Variants in MPRIP observed in about 807,000 individuals in gnomAD.
MPRIP encodes myosin phosphatase Rho interacting protein.
MPRIP carries 59 observed loss-of-function variants against 234.9 expected under a neutral mutation model. The observed-to-expected ratio is 0.25, with a 90% CI of 0.20 to 0.31. The LOEUF (loss-of-function observed/expected upper bound fraction) is 0.31. Ranked by LOEUF, MPRIP falls within the 10% of genes least tolerant of loss-of-function variation. MPRIP has a pLI of 1.00. For synonymous variants in MPRIP, 1,144 were observed against 1,263.9 expected (o/e 0.91, Z 2.01); for missense variants, 2,436 against 3,071.0 (o/e 0.79, Z 4.89).
At chr17:17,045,710 G>A (rs74668572) in intron 1 of MPRIP, among the ~76,000 whole-genome samples, 6,906 of 152,102 alleles carry the variant, frequency 0.045, 480 homozygotes, top group African/African-American at 0.14. Context: ...ATAAGTGACC[G>A]TCCTTTATTA....
At chr17:17,067,786 CTT>C (rs1391997815) in intron 1 of MPRIP, among the ~76,000 whole-genome samples, 30 of 71,080 alleles carry the variant, frequency 4.2e-4, no homozygotes, top group East Asian at 1.8e-3. Context: ...TCTTCTTCTT[CTT>C]CCTTTTTTTT....
intron 20 of MPRIP, among the ~76,000 whole-genome samples, chr17:17,175,845 C>T (rs78277344): frequency 6.6e-6 from 1 of 152,222 alleles, no homozygotes; most frequent in African/African-American, 2.4e-5. Flanking sequence ...AAATTTCACC[C>T]TAAAATGTGC....
At chr17:17,110,245 C>T (rs1056674611) in intron 3 of MPRIP, among the ~76,000 whole-genome samples, 1 of 152,152 alleles carries the variant, frequency 6.6e-6, no homozygotes, top group Non-Finnish European at 1.5e-5. Flanking sequence ...CAGCACAAGG[C>T]CCTCCCCAGA....
In MPRIP at chr17:17,158,975, C is replaced by A; in HGVS notation, c.2373C>A (p.His791Gln). 1 of 1,612,622 alleles carries A rather than the reference C, an allele frequency of 6.2e-7. No individual in the cohort carries two copies. The highest frequency in any genetic ancestry group is 8.5e-7 in the Non-Finnish European group (1 of 1,179,768). ...ATGGGGGTGACCGGCTCTCCACACA[C>A]GAGCTGACCTCTCTGCTCGAGAAGG... The part of the protein sequence containing the change: ...SEDGGDRLST[H>Q]ELTSLLEKEL... Residue 791 changes from histidine to glutamine, a missense_variant, in exon 14 of 24, where the codon CAC becomes CAA. His to Gln is a conservative substitution (Grantham distance 24). Transcript: ENST00000651222.
Position 17,185,678 on chromosome 17 carries a change from A to G in MPRIP, c.*784A>G. The G allele has an allele frequency of 2.6e-6, 1 of 383,484 alleles. No individual in the cohort carries two copies. The highest frequency in any genetic ancestry group is 1.9e-5 in the South Asian group (1 of 52,918). The allele number at this position is 383,484 out of a possible 1,614,324, so 23.8% of individuals were successfully genotyped here. ...ATTGTTGACCTGCAGCCCAGGTTTC[A>G]GACTCTGATTGCAAAAAACAAATGA... On this transcript the variant is annotated 3_prime_UTR_variant, in exon 24 of 24. Coordinates refer to ENST00000651222, the MANE Select transcript of MPRIP (RefSeq NM_001364716.4).
intron 1 of MPRIP, among the ~76,000 whole-genome samples, chr17:17,063,393 G>T (rs1282796405): frequency 6.6e-6 from 1 of 152,208 alleles, no homozygotes; most frequent in African/African-American, 2.4e-5. Context: ...ATTTGGCCTG[G>T]AGCCGGTTAG....
At chr17:17,089,988 G>A (rs2089677682) in intron 3 of MPRIP, among the ~76,000 whole-genome samples, 1 of 150,136 alleles carries the variant, frequency 6.7e-6, no homozygotes, top group Non-Finnish European at 1.5e-5. Context: ...TGTGTAGAGC[G>A]CAGCAGACAC....
rs1031795352 is a variant in MPRIP, at chr17:17,188,744, T to C, written c.*3850T>C. On this transcript the variant is annotated 3_prime_UTR_variant, in exon 24 of 24. Coordinates refer to ENST00000651222, the MANE Select transcript of MPRIP (RefSeq NM_001364716.4). ...CCTGATCATCACTCCTGCCTGGCTG[T>C]CTCCTGGGAGGCTGCCGGGTGCCAC... 6.6e-6 allele frequency: 1 copy of C among 152,272 alleles called. No individual in the cohort carries two copies. Among genetic ancestry groups the C allele is most frequent in the African/African-American group, 2.4e-5 (1 of 41,458 alleles). 9.4% of individuals were successfully genotyped at this position (152,272 alleles called of 1,614,324 possible).
At position 17,167,506 on chromosome 17, in the gene MPRIP, G is replaced by GGGT. The variant is rs1167364793; in HGVS notation, c.5916_5918dup (p.Val1973dup). 1 of 1,304,094 alleles carries GGGT rather than the reference G, an allele frequency of 7.7e-7. No homozygotes were observed. The highest frequency in any genetic ancestry group is 1.0e-6 in the Non-Finnish European group (1 of 988,974). 80.8% of individuals were successfully genotyped at this position (1,304,094 alleles called of 1,614,324 possible). A position where few individuals can be genotyped will look rare whatever the true frequency, so the allele number is the denominator to read the frequency against. The stretch of plus-strand genomic sequence containing the variant: ...AGCACACTGCAGGCTGAGCGCAGCC[G>GGGT]GGTCCTGAGCCAGCTGGATGCCTCG... On this transcript the variant is annotated inframe_insertion, in exon 16 of 24. Transcript: ENST00000651222. This position sits in a 1 kb window ranked among gnomAD's most constrained non-coding sequence, Gnocchi z 5.9.
intron 3 of MPRIP, among the ~76,000 whole-genome samples, chr17:17,112,757 G>A (rs1005959340): frequency 6.6e-6 from 1 of 152,234 alleles, no homozygotes; most frequent in Non-Finnish European, 1.5e-5. Flanking sequence ...CTGGACAAAG[G>A]TGTTTCAGCG....
At chr17:17,168,115 A>G (rs1386475305) in intron 16 of MPRIP, 200 bp downstream of exon 16, 10 of 381,134 alleles carry the variant, frequency 2.6e-5, no homozygotes, top group Non-Finnish European at 4.8e-5. Flanking sequence ...GTCCTCCACC[A>G]GGAGGAGAAC....
intron 1 of MPRIP, among the ~76,000 whole-genome samples, chr17:17,071,700 G>A (rs1005335083): frequency 6.6e-6 from 1 of 152,136 alleles, no homozygotes; most frequent in Non-Finnish European, 1.5e-5. Flanking sequence ...AGTGAAGGCC[G>A]AGTTTAATTG....
At chr17:17,176,378 G>A (rs2046253549) in intron 20 of MPRIP, 48 bp from the exon 21 acceptor site, 2 of 1,440,120 alleles carry the variant, frequency 1.4e-6, no homozygotes, top group East Asian at 2.3e-5. Flanking sequence ...AGACTCTGGA[G>A]GTTTCTTTGC....
At chr17:17,045,380 G>A (rs1444870936) in intron 1 of MPRIP, among the ~76,000 whole-genome samples, 1 of 152,194 alleles carries the variant, frequency 6.6e-6, no homozygotes, top group Non-Finnish European at 1.5e-5. Flanking sequence ...ACCTCTTGCA[G>A]GGACTGTATT....
rs2045856550 is a variant in MPRIP, at chr17:17,161,173, T to C, written c.2401-67T>C. On this transcript the variant is annotated intron_variant, in intron 14 of 23. Transcript: ENST00000651222. ...CACATGGAAGACCAGTGAAAGAGTC[T>C]GTGCTGTGCAGCTGCTTTGTTTATC... 7.1e-6 allele frequency: 8 copies of C among 1,130,932 alleles called. No individual in the cohort carries two copies. The Admixed American group carries it at 1.4e-4, about 20-fold the overall frequency. The allele number at this position is 1,130,932 out of a possible 1,614,324, so 70.1% of individuals were successfully genotyped here.
intron 22 of MPRIP, among the ~76,000 whole-genome samples, chr17:17,179,086 C>A (rs1433309039): frequency 6.6e-6 from 1 of 152,108 alleles, no homozygotes; most frequent in Non-Finnish European, 1.5e-5. Context: ...GAGGTTGAGG[C>A]GGGTGGATCA....
intron 11 of MPRIP, among the ~76,000 whole-genome samples, chr17:17,149,502 A>G (rs1261334105): frequency 6.6e-6 from 1 of 152,058 alleles, no homozygotes; most frequent in Non-Finnish European, 1.5e-5. Context: ...CAAAAAAAAA[A>G]AAAACTTCCG....
Position 17,166,717 on chromosome 17 carries a change from G to A in MPRIP, c.5126G>A (p.Arg1709Lys), listed in dbSNP as rs763691820. Reference protein sequence around the residue: ...TALRQHKCLLREILGAYQTPD... With the variant: ...TALRQHKCLLKEILGAYQTPD... ...CTGCGGCAGCACAAATGCCTGCTGA[G>A]GGAAATCCTGGGAGCCTACCAAACC... The change falls in exon 16 of 24, where the codon AGG becomes AAG. Residue 1709 changes from arginine to lysine, a missense_variant. Transcript: ENST00000651222. This position sits in a 1 kb window ranked among gnomAD's most constrained non-coding sequence, Gnocchi z 4.4. The A allele has an allele frequency of 8.4e-6, 11 of 1,304,036 alleles. No homozygotes were observed. The highest frequency in any genetic ancestry group is 4.6e-5 in the African/African-American group (3 of 65,870). The allele number at this position is 1,304,036 out of a possible 1,614,324, so 80.8% of individuals were successfully genotyped here. A position where few individuals can be genotyped will look rare whatever the true frequency, so the allele number is the denominator to read the frequency against.
At chr17:17,132,996 G>A (rs1163572150) in intron 5 of MPRIP, among the ~76,000 whole-genome samples, 2 of 152,254 alleles carry the variant, frequency 1.3e-5, no homozygotes, top group Admixed American at 1.3e-4. Context: ...GTGCAGAAGC[G>A]GAGCTCCTGC....
Sources: allele counts gnomAD v4.1 joint callset (sites outside exome capture counted in the v4.1 genomes callset), GRCh38; gene constraint gnomAD v4.1.1; non-coding constraint Gnocchi (gnomAD v3.1); transcripts MANE v1.5; gene names NCBI Gene and HGNC (gene_info 2026-07-23, HGNC 2026-07-21).